LAMA2: variants seen among roughly 807,000 people sequenced by gnomAD.
LAMA2 encodes laminin subunit alpha-2.
Under a neutral mutation model 364.8 loss-of-function variants are expected in LAMA2, and 269 were observed. That is an observed-to-expected ratio of 0.74 (90% CI 0.67 to 0.82). The LOEUF is 0.82. Ranked by LOEUF, LAMA2 falls within the 40% of genes least tolerant of loss-of-function variation. LAMA2 has a pLI of 0.00. For missense variants in LAMA2, 3,807 were observed against 3,873.2 expected (o/e 0.98, Z 0.45); for synonymous variants, 1,379 against 1,370.6 (o/e 1.01, Z -0.14).
chr6:129,106,861 C>CAAA (rs373033392), intron 4 of LAMA2, among the ~76,000 whole-genome samples: 2 of 132,254 alleles, frequency 1.5e-5, no homozygotes, highest in African/African-American at 5.4e-5. Flanking sequence ...CTTACTCCTC[C>CAAA]AAAAAAAAAA....
chr6:129,006,798 C>T (rs1367812379), intron 1 of LAMA2, among the ~76,000 whole-genome samples: 1 of 152,080 alleles, frequency 6.6e-6, no homozygotes, highest in Non-Finnish European at 1.5e-5. Context: ...ATCACCAGTC[C>T]AACTTGGTCT....
intron 4 of LAMA2, among the ~76,000 whole-genome samples, chr6:129,108,513 A>G (rs1051999132): frequency 2.6e-5 from 4 of 152,112 alleles, no homozygotes; most frequent in South Asian, 4.1e-4. Flanking sequence ...AGTGAAAGTA[A>G]CCCACATTTA....
chr6:129,127,828 G>T (rs1293446475), intron 4 of LAMA2, among the ~76,000 whole-genome samples: 1 of 151,488 alleles, frequency 6.6e-6, no homozygotes, highest in East Asian at 1.9e-4. Context: ...TGTCTATTCA[G>T]CTTCCTTGCT....
chr6:128,908,320 A>G (rs1292175919), intron 1 of LAMA2, among the ~76,000 whole-genome samples: 1 of 151,806 alleles, frequency 6.6e-6, no homozygotes, highest in Non-Finnish European at 1.5e-5. Context: ...AGATCCTGTT[A>G]TTTGTCTATT....
intron 40 of LAMA2, among the ~76,000 whole-genome samples, chr6:129,422,100 A>G (rs1320332835): frequency 1.3e-5 from 2 of 151,910 alleles, no homozygotes; most frequent in African/African-American, 4.8e-5. Flanking sequence ...GAACCCTACA[A>G]ACTTAGGGAG....
chr6:129,469,244 T>C (rs1783693015), intron 51 of LAMA2, among the ~76,000 whole-genome samples: 2 of 151,994 alleles, frequency 1.3e-5, no homozygotes, highest in South Asian at 4.1e-4. Flanking sequence ...TTACTCGAGG[T>C]GTCAGTGTGG....
intron 1 of LAMA2, among the ~76,000 whole-genome samples, chr6:129,024,382 C>CTTTTTT (rs202105513): frequency 8.6e-6 from 1 of 116,812 alleles, no homozygotes; most frequent in African/African-American, 2.9e-5. Flanking sequence ...TCTTTTCTTT[C>CTTTTTT]TTTTTTTTTT....
intron 4 of LAMA2, among the ~76,000 whole-genome samples, chr6:129,138,150 C>G (rs1777912344): frequency 1.3e-5 from 2 of 151,470 alleles, no homozygotes; most frequent in Admixed American, 1.3e-4. Context: ...TAGTAGATAT[C>G]CAATACATAT....
intron 40 of LAMA2, among the ~76,000 whole-genome samples, chr6:129,404,855 A>G (rs1317571985): frequency 6.6e-6 from 1 of 152,058 alleles, no homozygotes; most frequent in Non-Finnish European, 1.5e-5. Context: ...ACTTTCTAGG[A>G]TTTAGGGGAT....
In LAMA2 at chr6:129,427,736, G is replaced by A. The variant is rs753510901; in HGVS notation, c.5866-16G>A. The A allele has an allele frequency of 6.3e-7, 1 of 1,577,176 alleles. No individual in the cohort carries two copies. The highest frequency in any genetic ancestry group is 1.7e-5 in the Admixed American group (1 of 59,946). On this transcript the variant is annotated splice_polypyrimidine_tract_variant and intron_variant, in intron 40 of 64. Transcript: ENST00000421865. ...CTATGGTTTTAGATGTATGACATTT[G>A]TTTTTCTGTCCACAGGCAACAGGTC...
intron 4 of LAMA2, among the ~76,000 whole-genome samples, chr6:129,100,884 G>C (rs898122978): frequency 3.3e-5 from 5 of 152,128 alleles, no homozygotes; most frequent in Admixed American, 3.3e-4. Flanking sequence ...ATTGTTCTAA[G>C]GCAGCATGGT....
At chr6:129,294,550 T>C in intron 20 of LAMA2, among the ~76,000 whole-genome samples, 1 of 152,168 alleles carries the variant, frequency 6.6e-6, no homozygotes, top group Non-Finnish European at 1.5e-5. Flanking sequence ...TCCATTCTCA[T>C]GACCTAATCA....
chr6:129,151,142 C>T (rs1309524609), intron 7 of LAMA2, among the ~76,000 whole-genome samples: 4 of 152,002 alleles, frequency 2.6e-5, no homozygotes, highest in African/African-American at 7.2e-5. Context: ...ACAGACAGAG[C>T]GGGGTAGGCT....
chr6:128,972,489 T>C (rs534903124), intron 1 of LAMA2, among the ~76,000 whole-genome samples: 1 of 152,324 alleles, frequency 6.6e-6, no homozygotes, highest in South Asian at 2.1e-4. Context: ...CTGGTGCACA[T>C]AAATGTTCAA....
intron 12 of LAMA2, among the ~76,000 whole-genome samples, chr6:129,228,217 G>A (rs933439222): frequency 2.0e-5 from 3 of 152,110 alleles, no homozygotes; most frequent in Non-Finnish European, 2.9e-5. Context: ...GATTTTCCAG[G>A]TGCCGTCTGT....
chr6:129,335,136 C>G (rs1775875595), intron 29 of LAMA2, among the ~76,000 whole-genome samples: 1 of 152,140 alleles, frequency 6.6e-6, no homozygotes, highest in African/African-American at 2.4e-5. Context: ...TAACTATGCT[C>G]TTCATCATAC....
chr6:128,883,776 CA>C (rs970836294), intron 1 of LAMA2, among the ~76,000 whole-genome samples: 43 of 134,238 alleles, frequency 3.2e-4, no homozygotes, highest in African/African-American at 9.9e-4. Flanking sequence ...GCTGATGCAT[CA>C]AAAAAAAATT....
At chr6:129,020,499 A>C (rs754028054) in intron 1 of LAMA2, among the ~76,000 whole-genome samples, 2 of 152,164 alleles carry the variant, frequency 1.3e-5, no homozygotes, top group Non-Finnish European at 2.9e-5. Flanking sequence ...GGAAATAAGG[A>C]CTTAAAGTCT....
At chr6:129,502,918 T>G (rs1395957698) in intron 59 of LAMA2, 147 bp downstream of exon 59, 1 of 878,140 alleles carries the variant, frequency 1.1e-6, no homozygotes, top group Non-Finnish European at 1.8e-6. Flanking sequence ...TAGAATTTTA[T>G]TTGTCTGAGC....
Sources: allele counts gnomAD v4.1 joint callset (sites outside exome capture counted in the v4.1 genomes callset), GRCh38; gene constraint gnomAD v4.1.1; transcripts MANE v1.5; gene names NCBI Gene and HGNC (gene_info 2026-07-23, HGNC 2026-07-21).